TENM3: variants seen among roughly 807,000 people sequenced by gnomAD.
TENM3 encodes teneurin-3.
Under a neutral mutation model 255.1 loss-of-function variants are expected in TENM3, and 63 were observed. The ratio of observed to expected loss-of-function variants is 0.25; its 90% CI spans 0.20 to 0.30. TENM3 has a LOEUF of 0.30. Ranked by LOEUF, TENM3 falls within the 10% of genes least tolerant of loss-of-function variation. The pLI is 1.00. For missense variants in TENM3, 2,929 were observed against 3,461.1 expected, an observed-to-expected ratio of 0.85 and a Z score of 3.86; for synonymous variants, 1,306 against 1,322.3, an observed-to-expected ratio of 0.99 and a Z score of 0.27.
chr4:181,492,495 T>C, the TENM3 span, among the ~76,000 whole-genome samples: 108 of 152,360 alleles, frequency 7.1e-4, no homozygotes, highest in African/African-American at 2.4e-3. Context: ...AGAATGCACT[T>C]AGCAGTCTAG....
chr4:181,668,188 C>G, the TENM3 span, among the ~76,000 whole-genome samples: 4 of 152,254 alleles, frequency 2.6e-5, no homozygotes, highest in South Asian at 8.3e-4. Context: ...TACACATAAG[C>G]ACACACATAC....
intron 5 of TENM3, among the ~76,000 whole-genome samples, chr4:182,632,886 C>T (rs903388589): frequency 6.6e-6 from 1 of 152,038 alleles, no homozygotes; most frequent in Admixed American, 6.5e-5. Context: ...TTCTAGCTTT[C>T]ATGCCATACT....
chr4:182,027,882 G>A, the TENM3 span, among the ~76,000 whole-genome samples: 2 of 151,644 alleles, frequency 1.3e-5, no homozygotes, highest in Non-Finnish European at 2.9e-5. Context: ...TTCTGGTGAT[G>A]ATTTTTGCAT....
chr4:182,250,113 T>C (rs1297085984), intron 1 of TENM3, among the ~76,000 whole-genome samples: 59 of 148,960 alleles, frequency 4.0e-4, no homozygotes, highest in African/African-American at 1.2e-3. Context: ...AGTGCAGTGG[T>C]GCGATCTGGG....
intron 1 of TENM3, among the ~76,000 whole-genome samples, chr4:182,293,467 CCTCTTT>C (rs1761256867): frequency 6.6e-6 from 1 of 152,170 alleles, no homozygotes; most frequent in African/African-American, 2.4e-5. Flanking sequence ...CGTCTCTCTT[CCTCTTT>C]CTCTTTCTCC....
chr4:181,606,832 A>G, the TENM3 span, among the ~76,000 whole-genome samples: 6 of 152,042 alleles, frequency 3.9e-5, no homozygotes, highest in African/African-American at 1.4e-4. Flanking sequence ...CAAGGGCAGA[A>G]TGTCTTAATC....
At chr4:181,628,811 G>A in the TENM3 span, among the ~76,000 whole-genome samples, 1 of 152,076 alleles carries the variant, frequency 6.6e-6, no homozygotes, top group Admixed American at 6.6e-5. Context: ...TGACTTGGCA[G>A]TGCGGCCTCT....
At chr4:182,382,307 T>C (rs1643964287) in intron 3 of TENM3, among the ~76,000 whole-genome samples, 1 of 152,126 alleles carries the variant, frequency 6.6e-6, no homozygotes, top group African/African-American at 2.4e-5. Context: ...CACATTAAAC[T>C]AGATGGCTGA....
At chr4:182,544,011 G>C (rs77316003) in intron 3 of TENM3, among the ~76,000 whole-genome samples, 5,923 of 152,146 alleles carry the variant, frequency 0.039, 226 homozygotes, top group East Asian at 0.095. Context: ...GTTCAGGTGA[G>C]AATGTTTCAA....
the TENM3 span, among the ~76,000 whole-genome samples, chr4:181,949,967 C>G: frequency 1.3e-5 from 2 of 152,160 alleles, no homozygotes; most frequent in South Asian, 2.1e-4. Flanking sequence ...ACTGAAATAG[C>G]AACCTCACTT....
the TENM3 span, among the ~76,000 whole-genome samples, chr4:181,920,230 G>A: frequency 9.2e-5 from 14 of 152,040 alleles, no homozygotes; most frequent in East Asian, 1.9e-3. Context: ...ATGATTTATA[G>A]TCCTTTGGGT....
At chr4:182,086,908 T>C in the TENM3 span, among the ~76,000 whole-genome samples, 1 of 152,190 alleles carries the variant, frequency 6.6e-6, no homozygotes, top group Non-Finnish European at 1.5e-5. Context: ...TCACTGAGTA[T>C]TTTTTGAACA....
chr4:182,579,717 G>A (rs572889588), intron 3 of TENM3, among the ~76,000 whole-genome samples: 7 of 151,804 alleles, frequency 4.6e-5, no homozygotes, highest in East Asian at 1.9e-4. Flanking sequence ...CTTTTTTTCC[G>A]CCAATATGGA....
At chr4:182,645,378 T>C (rs1164803355) in intron 5 of TENM3, among the ~76,000 whole-genome samples, 3 of 151,960 alleles carry the variant, frequency 2.0e-5, no homozygotes, top group African/African-American at 7.2e-5. Flanking sequence ...ATTATAAAAG[T>C]GGTTAACATG....
At chr4:182,351,503 C>A (rs926735204) in intron 3 of TENM3, among the ~76,000 whole-genome samples, 1 of 152,184 alleles carries the variant, frequency 6.6e-6, no homozygotes. Context: ...TCAACTCTTG[C>A]ATGCCTTGTC....
At chr4:182,666,550 G>A (rs1561077570) in intron 6 of TENM3, among the ~76,000 whole-genome samples, 1 of 152,102 alleles carries the variant, frequency 6.6e-6, no homozygotes, top group Admixed American at 6.6e-5. Flanking sequence ...TCAGATGATC[G>A]GTAGCATTTT....
chr4:182,615,043 A>G lies in TENM3; in HGVS notation c.750-13608A>G, dbSNP rs553926876. On this transcript the variant is annotated intron_variant, in intron 4 of 27. Transcript: ENST00000511685. ...ATGTTTCTCAGAAAAAAAAAAAAAAATACATATATATATATATATATATGT... is the reference window on the plus strand; with the variant it reads ...ATGTTTCTCAGAAAAAAAAAAAAAAGTACATATATATATATATATATATGT... Among the ~76,000 whole-genome samples the G allele has an allele frequency of 4.7e-4, 13 of 27,806 alleles. No homozygotes were observed. The South Asian group carries it at 0.052, about 111-fold the overall frequency. The allele number at this position is 27,806 out of a possible 152,430, so 18.2% of individuals were successfully genotyped here. A position where few individuals can be genotyped will look rare whatever the true frequency, so the allele number is the denominator to read the frequency against.
At chr4:181,576,815 T>TC in the TENM3 span, among the ~76,000 whole-genome samples, 1 of 140,790 alleles carries the variant, frequency 7.1e-6, no homozygotes, top group Non-Finnish European at 1.5e-5. Flanking sequence ...TCTTTTCTTT[T>TC]TTTTTTTTTT....
chr4:181,498,697 T>C, the TENM3 span, among the ~76,000 whole-genome samples: 1 of 152,112 alleles, frequency 6.6e-6, no homozygotes, highest in Non-Finnish European at 1.5e-5. Context: ...TAAGGACCAG[T>C]AGTATCATTA....
Sources: gnomAD v4.1 joint callset for allele counts (sites outside exome capture counted in the v4.1 genomes callset) on GRCh38, gnomAD v4.1.1 for gene constraint, MANE v1.5 for transcripts, NCBI Gene and HGNC (gene_info 2026-07-23, HGNC 2026-07-21) for gene names.